The following GRM7 variants were observed in gnomAD, a reference collection of about 807,000 sequenced individuals.
The protein encoded by GRM7 is metabotropic glutamate receptor 7.
Under a neutral mutation model 84.5 loss-of-function variants are expected in GRM7, and 35 were observed. The ratio of observed to expected loss-of-function variants is 0.41; its 90% confidence interval spans 0.32 to 0.55. The LOEUF (loss-of-function observed/expected upper bound fraction) is 0.55. Ranked by LOEUF, GRM7 falls within the 20% of genes least tolerant of loss-of-function variation. GRM7 has a pLI of 0.19. For missense variants in GRM7, 1,003 were observed against 1,194.6 expected (o/e 0.84, Z 2.36); for synonymous variants, 487 against 455.1 (o/e 1.07, Z -0.89).
At chr3:7,669,329 G>T (rs1699831408) in intron 8 of GRM7, among the ~76,000 whole-genome samples, 1 of 152,188 alleles carries the variant, frequency 6.6e-6, no homozygotes, top group Non-Finnish European at 1.5e-5. Context: ...GTAGGAGGTA[G>T]CTAGGTAAAG....
At chr3:7,256,215 C>A (rs1339550563) in intron 2 of GRM7, among the ~76,000 whole-genome samples, 1 of 152,116 alleles carries the variant, frequency 6.6e-6, no homozygotes, top group Non-Finnish European at 1.5e-5. Context: ...ACTTACTACC[C>A]TAGGAAATTC....
rs988799352 is a variant in GRM7 at position 7,390,567 on chromosome 3, G to A, written c.1034-24456G>A. On this transcript the variant is annotated intron_variant, in intron 4 of 9. Coordinates refer to ENST00000357716, the MANE Select transcript of GRM7 (RefSeq NM_000844.4). ...ATTCTTTTTTATTTTTCTTTTTTTAGTATTTTGGTCTAATTGGGTTGATTT... is the reference window on the plus strand; with the variant it reads ...ATTCTTTTTTATTTTTCTTTTTTTAATATTTTGGTCTAATTGGGTTGATTT... 2.4e-4 allele frequency among the ~76,000 whole-genome samples: 36 copies of A among 151,342 alleles called. 1 individual carries two copies. Among genetic ancestry groups the A allele is most frequent in the Non-Finnish European group, 8.8e-5 (6 of 67,860 alleles).
At chr3:7,504,070 T>C (rs1699966038) in intron 7 of GRM7, among the ~76,000 whole-genome samples, 1 of 152,148 alleles carries the variant, frequency 6.6e-6, no homozygotes, top group Non-Finnish European at 1.5e-5. Context: ...AAAATTATCT[T>C]GGGTAACAAG....
chr3:7,298,232 G>T (rs543510283), intron 2 of GRM7, among the ~76,000 whole-genome samples: 1 of 152,132 alleles, frequency 6.6e-6, no homozygotes, highest in East Asian at 1.9e-4. Flanking sequence ...ATAGAGATGG[G>T]TATAAAGGGA....
In GRM7 at chr3:7,500,712, A is replaced by G. The variant is rs548070493; in HGVS notation, c.1515+38990A>G. ...GGCAGATGTACTTCACTTCCTGCTG[A>G]CATGAGTTGAGCCACATGACTTCTT... On this transcript the variant is annotated intron_variant, in intron 7 of 9. Coordinates refer to ENST00000357716, the MANE Select transcript of GRM7 (RefSeq NM_000844.4). Among the ~76,000 whole-genome samples the G allele has an allele frequency of 2.0e-5, 3 of 152,364 alleles. No homozygotes were observed. In the South Asian group the frequency reaches 6.2e-4, roughly 32 times the overall value.
At chr3:7,615,035 C>CGGTCTTTGACTACATTGTTTT (rs1697021057) in intron 8 of GRM7, among the ~76,000 whole-genome samples, 1 of 152,090 alleles carries the variant, frequency 6.6e-6, no homozygotes, top group South Asian at 2.1e-4. Context: ...TGGCATCTTG[C>CGGTCTTTGACTACATTGTTTT]GGTCTTTGAC....
At position 7,445,608 on chromosome 3, in the gene GRM7, C is replaced by T. The variant is rs146994748; in HGVS notation, c.1175-6999C>T. Among the ~76,000 whole-genome samples the T allele has an allele frequency of 1.8e-3, 277 of 152,236 alleles. 2 individuals are homozygous for T. Among genetic ancestry groups the T allele is most frequent in the African/African-American group, 6.4e-3 (265 of 41,554 alleles). ...CACAGCAATACTGCAGACATTTTGG[C>T]TCATTCCAGACCTGACTTTGCTTCT... On this transcript the variant is annotated intron_variant, in intron 5 of 9. Transcript: ENST00000357716.
intron 1 of GRM7, among the ~76,000 whole-genome samples, chr3:7,070,356 T>A (rs1697823734): frequency 6.6e-6 from 1 of 152,150 alleles, no homozygotes; most frequent in South Asian, 2.1e-4. Flanking sequence ...AATGTTGTAG[T>A]CTCATAATCC....
chr3:7,692,063 A>G (rs930990059), intron 9 of GRM7, among the ~76,000 whole-genome samples: 2 of 152,164 alleles, frequency 1.3e-5, no homozygotes, highest in African/African-American at 2.4e-5. Flanking sequence ...AGGATTGCCA[A>G]TAAAGTCAGG....
chr3:7,056,988 A>G (rs982035136), intron 1 of GRM7, among the ~76,000 whole-genome samples: 6 of 152,010 alleles, frequency 3.9e-5, no homozygotes, highest in African/African-American at 1.4e-4. Flanking sequence ...ATTCTGCAGT[A>G]CAACTAAACA....
intron 8 of GRM7, among the ~76,000 whole-genome samples, chr3:7,609,576 G>A (rs1338930047): frequency 1.3e-5 from 2 of 152,118 alleles, no homozygotes; most frequent in Non-Finnish European, 2.9e-5. Context: ...GGTATGGGTA[G>A]GTGGGTGAAT....
At chr3:7,159,501 A>G (rs1694556706) in intron 2 of GRM7, among the ~76,000 whole-genome samples, 1 of 152,158 alleles carries the variant, frequency 6.6e-6, no homozygotes, top group Admixed American at 6.5e-5. Flanking sequence ...AGAGATTGCT[A>G]GCAGGAGGTG....
chr3:7,577,513 G>C (rs919330300), intron 7 of GRM7, among the ~76,000 whole-genome samples: 2 of 152,194 alleles, frequency 1.3e-5, no homozygotes, highest in African/African-American at 4.8e-5. Context: ...CAGATGCTGT[G>C]CTGGCAAAGA....
intron 1 of GRM7, among the ~76,000 whole-genome samples, chr3:6,943,568 C>T (rs200453943): frequency 5.3e-5 from 8 of 151,910 alleles, no homozygotes; most frequent in Admixed American, 2.6e-4. Flanking sequence ...ATCTTTATGC[C>T]GATATCCTAC....
intron 8 of GRM7, among the ~76,000 whole-genome samples, chr3:7,580,229 T>C (rs1025527368): frequency 3.3e-5 from 5 of 152,234 alleles, no homozygotes; most frequent in African/African-American, 9.6e-5. Flanking sequence ...AATATATTGA[T>C]AGTGATAAGA....
At chr3:7,330,659 C>T (rs541473793) in intron 4 of GRM7, among the ~76,000 whole-genome samples, 31 of 152,294 alleles carry the variant, frequency 2.0e-4, no homozygotes, top group African/African-American at 6.3e-4. Context: ...TTATCTCCTG[C>T]CTGCCGCCAT....
chr3:7,308,935 C>T (rs1416497092), intron 4 of GRM7, among the ~76,000 whole-genome samples: 2 of 152,032 alleles, frequency 1.3e-5, no homozygotes, highest in African/African-American at 2.4e-5. Context: ...TACAAATTTA[C>T]AAAATCAGAC....
At chr3:7,119,408 T>G (rs1479087758) in intron 1 of GRM7, among the ~76,000 whole-genome samples, 2 of 152,120 alleles carry the variant, frequency 1.3e-5, no homozygotes, top group Non-Finnish European at 2.9e-5. Context: ...GTCATTGCAG[T>G]TCATGATGCC....
Position 7,362,825 on chromosome 3 carries a change from G to A in GRM7, c.1034-52198G>A, listed in dbSNP as rs77320244. Reference sequence around the variant, plus strand: ...CACTTCATTCCAAGTTTTAGTTCCTGTTCTTAAAAGTAGGGATTGCAGCTG... The same window carrying A: ...CACTTCATTCCAAGTTTTAGTTCCTATTCTTAAAAGTAGGGATTGCAGCTG... On this transcript the variant is annotated intron_variant, in intron 4 of 9. Coordinates refer to ENST00000357716, the MANE Select transcript of GRM7 (RefSeq NM_000844.4). Among the ~76,000 whole-genome samples, 117 of 152,086 alleles carry A rather than the reference G, an allele frequency of 7.7e-4. No individual in the cohort carries two copies. In the East Asian group the frequency reaches 9.3e-3, roughly 12 times the overall value.
Sources: gnomAD v4.1 joint callset for allele counts (sites outside exome capture counted in the v4.1 genomes callset) on GRCh38, gnomAD v4.1.1 for gene constraint, MANE v1.5 for transcripts, NCBI Gene and HGNC (gene_info 2026-07-23, HGNC 2026-07-21) for gene names.